Variants in B3GALT1 observed in about 807,000 individuals in gnomAD.
B3GALT1 encodes the protein UDP-Gal:betaGlcNAc beta 1,3-galactosyltransferase, polypeptide 1.
Under a neutral mutation model 23.2 loss-of-function variants are expected in B3GALT1, and 10 were observed. The ratio of observed to expected loss-of-function variants is 0.43; its 90% confidence interval spans 0.27 to 0.73. The LOEUF (loss-of-function observed/expected upper bound fraction) is 0.73. B3GALT1 is among the 30% of genes least tolerant of loss of function. The probability of loss-of-function intolerance (pLI) is 0.21; values close to 1 mark genes in which losing one functional copy is unlikely to be tolerated. For synonymous variants in B3GALT1, 156 were observed against 141.5 expected, an observed-to-expected ratio of 1.10 and a Z score of -0.73; for missense variants, 299 against 405.4, an observed-to-expected ratio of 0.74 and a Z score of 2.25.
At chr2:167,642,637 C>G (rs1268282959) in intron 2 of B3GALT1, among the ~76,000 whole-genome samples, 1 of 152,096 alleles carries the variant, frequency 6.6e-6, no homozygotes, top group Non-Finnish European at 1.5e-5. Flanking sequence ...AGCACTTTGG[C>G]ACTTCATCTC....
At chr2:167,610,910 C>CAAAAA (rs67057122) in intron 2 of B3GALT1, among the ~76,000 whole-genome samples, 75 of 91,614 alleles carry the variant, frequency 8.2e-4, no homozygotes, top group African/African-American at 1.7e-3. Context: ...TTTATTTGTA[C>CAAAAA]AAAAAAAAAA....
intron 1 of B3GALT1, among the ~76,000 whole-genome samples, chr2:167,311,869 T>C (rs2105486643): frequency 6.6e-6 from 1 of 152,042 alleles, no homozygotes; most frequent in Non-Finnish European, 1.5e-5. Flanking sequence ...ACCTTGTATA[T>C]GCATTTAATT....
At chr2:167,803,514 A>G (rs1203929369) in intron 3 of B3GALT1, among the ~76,000 whole-genome samples, 1 of 152,166 alleles carries the variant, frequency 6.6e-6, no homozygotes, top group Non-Finnish European at 1.5e-5. Flanking sequence ...TTTGGAAAAC[A>G]TGTTGTTGGA....
chr2:167,411,696 G>T (rs1698395379), intron 1 of B3GALT1, among the ~76,000 whole-genome samples: 1 of 152,130 alleles, frequency 6.6e-6, no homozygotes, highest in South Asian at 2.1e-4. Flanking sequence ...ATATTATCCA[G>T]CAATCACAGT....
intron 3 of B3GALT1, chr2:167,714,347 C>A (rs1438372715): frequency 6.7e-7 from 1 of 1,499,252 alleles, no homozygotes; most frequent in Non-Finnish European, 9.3e-7. Context: ...TGGTTCTCCT[C>A]TTTTATTGGT....
chr2:167,464,440 A>T (rs561385069), intron 1 of B3GALT1, among the ~76,000 whole-genome samples: 1 of 152,344 alleles, frequency 6.6e-6, no homozygotes, highest in South Asian at 2.1e-4. Flanking sequence ...ATCAACTGAA[A>T]GTTTCATGAC....
intron 1 of B3GALT1, among the ~76,000 whole-genome samples, chr2:167,308,225 A>T (rs1484921803): frequency 6.6e-6 from 1 of 152,068 alleles, no homozygotes; most frequent in East Asian, 1.9e-4. Flanking sequence ...TATAATATTT[A>T]CAAGCTCAAA....
At chr2:167,590,570 T>C (rs1684662927) in intron 2 of B3GALT1, among the ~76,000 whole-genome samples, 1 of 151,962 alleles carries the variant, frequency 6.6e-6, no homozygotes, top group Non-Finnish European at 1.5e-5. Flanking sequence ...TGAAGAAATA[T>C]GTAAAAGCTT....
chr2:167,297,513 A>G (rs193045549), intron 1 of B3GALT1, among the ~76,000 whole-genome samples: 16 of 152,220 alleles, frequency 1.1e-4, no homozygotes, highest in Admixed American at 7.8e-4. Flanking sequence ...ATTTTCAAGT[A>G]AGCTTGTCTT....
At chr2:167,563,986 C>T (rs1387389097) in intron 2 of B3GALT1, among the ~76,000 whole-genome samples, 11 of 139,350 alleles carry the variant, frequency 7.9e-5, no homozygotes, top group African/African-American at 1.1e-4. Flanking sequence ...ACGGGGCAGC[C>T]GGCCGGACGG....
chr2:167,803,407 A>G (rs1331968826), intron 3 of B3GALT1, among the ~76,000 whole-genome samples: 24 of 152,210 alleles, frequency 1.6e-4, no homozygotes, highest in Admixed American at 6.5e-5. Flanking sequence ...TCATTACTTT[A>G]CAAAAATAAA....
At chr2:167,435,359 C>G (rs1432840431) in intron 1 of B3GALT1, among the ~76,000 whole-genome samples, 13 of 127,798 alleles carry the variant, frequency 1.0e-4, no homozygotes, top group Non-Finnish European at 1.9e-4. Context: ...AAATTCTTAC[C>G]TAGAATAACA....
chr2:167,513,068 C>CA (rs544667836), intron 2 of B3GALT1, among the ~76,000 whole-genome samples: 4,244 of 72,248 alleles, frequency 0.059, 118 homozygotes, highest in East Asian at 0.12. Flanking sequence ...ATTCATGCCA[C>CA]AAAAAAAAAA....
At chr2:167,724,449 A>G (rs1393378286) in intron 3 of B3GALT1, among the ~76,000 whole-genome samples, 1 of 152,228 alleles carries the variant, frequency 6.6e-6, no homozygotes, top group African/African-American at 2.4e-5. Context: ...CTGGTTACTT[A>G]TTCAGAAGAA....
intron 2 of B3GALT1, among the ~76,000 whole-genome samples, chr2:167,568,612 T>C (rs557599285): frequency 6.6e-6 from 1 of 152,180 alleles, no homozygotes; most frequent in African/African-American, 2.4e-5. Flanking sequence ...TTTTTTAATA[T>C]ATATTTTAGA....
intron 1 of B3GALT1, among the ~76,000 whole-genome samples, chr2:167,323,446 G>A (rs10672031): frequency 2.2e-5 from 2 of 88,942 alleles, no homozygotes; most frequent in African/African-American, 3.8e-5. Flanking sequence ...TTAAATAAAT[G>A]AATGATTATC....
chr2:167,380,427 C>T (rs1251592723), intron 1 of B3GALT1, among the ~76,000 whole-genome samples: 3 of 152,178 alleles, frequency 2.0e-5, no homozygotes, highest in Non-Finnish European at 4.4e-5. Flanking sequence ...TGCCCCCAGA[C>T]TTGTGATGGG....
intron 1 of B3GALT1, among the ~76,000 whole-genome samples, chr2:167,309,718 G>A (rs961374519): frequency 6.6e-6 from 1 of 151,958 alleles, no homozygotes; most frequent in Non-Finnish European, 1.5e-5. Context: ...TGATAGTTTT[G>A]ACAGATTTCA....
rs562156340 is a variant in B3GALT1 at position 167,425,156 on chromosome 2, C to T, written c.-510-65021C>T. Among the ~76,000 whole-genome samples, 4 of 152,330 alleles carry T rather than the reference C, an allele frequency of 2.6e-5. No homozygotes were observed. The South Asian group carries it at 8.3e-4, about 32-fold the overall frequency. ...ACCTCTCTGGATGATGGGCACTTGACAGAGCCTGCAGAGTCTTTGTTGGTA... is the reference window on the plus strand; with the variant it reads ...ACCTCTCTGGATGATGGGCACTTGATAGAGCCTGCAGAGTCTTTGTTGGTA... On this transcript the variant is annotated intron_variant, in intron 1 of 4. Coordinates refer to ENST00000392690, the MANE Select transcript of B3GALT1 (RefSeq NM_020981.4).
Sources: allele counts gnomAD v4.1 joint callset (sites outside exome capture counted in the v4.1 genomes callset), GRCh38; gene constraint gnomAD v4.1.1; transcripts MANE v1.5; gene names NCBI Gene and HGNC (gene_info 2026-07-23, HGNC 2026-07-21).